LARP1B: variants seen among roughly 807,000 people sequenced by gnomAD.
LARP1B encodes the protein La ribonucleoprotein 1B, also known as la-related protein 1B.
LARP1B carries 76 observed loss-of-function variants against 114.2 expected under a neutral mutation model. The ratio of observed to expected loss-of-function variants is 0.67; its 90% CI spans 0.55 to 0.81. LARP1B has a LOEUF of 0.81. LARP1B is among the 30% of genes least tolerant of loss of function. The pLI is 0.00. For missense variants in LARP1B, 1,014 were observed against 1,075.8 expected (o/e 0.94, Z 0.80); for synonymous variants, 345 against 348.0 (o/e 0.99, Z 0.10).
At chr4:128,099,290 CTTT>C (rs368079786) in intron 8 of LARP1B, among the ~76,000 whole-genome samples, 2 of 137,220 alleles carry the variant, frequency 1.5e-5, no homozygotes, top group Admixed American at 7.4e-5. Flanking sequence ...TTTTTTCTTT[CTTT>C]TTTTTTTTTT....
At chr4:128,176,673 A>AT (rs1192361474) in intron 12 of LARP1B, among the ~76,000 whole-genome samples, 199 bp from the exon 13 acceptor site, 1 of 152,040 alleles carries the variant, frequency 6.6e-6, no homozygotes, top group Non-Finnish European at 1.5e-5. Context: ...ATGAGGATAC[A>AT]TTTTTTCCCA....
chr4:128,207,347 C>G lies in LARP1B; in HGVS notation c.2511C>G (p.Leu837=), dbSNP rs772299317. The change falls in exon 19 of 20, where the codon CTC becomes CTG. Residue 837 remains leucine, a synonymous_variant. Coordinates refer to ENST00000326639, the MANE Select transcript of LARP1B (RefSeq NM_018078.4). ...TTGACCCAAAACTTCAGGAATACCT[C>G]TGTAGTTTTAAGAGGTTAGAAGACT... ...QSIDPKLQEY[L]CSFKRLEDFR... 4 of 1,552,230 alleles carry G rather than the reference C, an allele frequency of 2.6e-6. No homozygotes were observed. The highest frequency in any genetic ancestry group is 2.5e-5 in the South Asian group (2 of 78,434).
chr4:128,171,134 G>A (rs1743508158), intron 12 of LARP1B, among the ~76,000 whole-genome samples: 3 of 148,864 alleles, frequency 2.0e-5, no homozygotes, highest in Non-Finnish European at 4.5e-5. Flanking sequence ...TCTCCCCACC[G>A]GCCCCACCCC....
chr4:128,139,056 T>G (rs1426758131), intron 11 of LARP1B, among the ~76,000 whole-genome samples: 1 of 152,174 alleles, frequency 6.6e-6, no homozygotes, highest in Non-Finnish European at 1.5e-5. Flanking sequence ...TTCAAGATCA[T>G]GGATTAATTG....
At chr4:128,090,495 A>G (rs1409401597) in intron 5 of LARP1B, among the ~76,000 whole-genome samples, 4 of 152,148 alleles carry the variant, frequency 2.6e-5, no homozygotes, top group Non-Finnish European at 5.9e-5. Flanking sequence ...TGTGTGTTGC[A>G]TGAGAGAGAG....
rs562133250 is a variant in LARP1B, at chr4:128,148,599, A to AT, written c.1525-13586dup. 1.3e-4 allele frequency among the ~76,000 whole-genome samples: 19 copies of AT among 151,526 alleles called. 1 individual carries two copies. The highest frequency in any genetic ancestry group is 6.8e-3 in the Middle Eastern group (2 of 294). ...TAGTCATCTTTCTCTTTAGAAGCTG[A>AT]TTTTTTTTTAAATTTTATTATTTTA... On this transcript the variant is annotated intron_variant, in intron 11 of 19. Coordinates refer to ENST00000326639, the MANE Select transcript of LARP1B (RefSeq NM_018078.4).
intron 15 of LARP1B, among the ~76,000 whole-genome samples, chr4:128,193,660 A>C (rs1753022581): frequency 1.3e-5 from 2 of 151,688 alleles, no homozygotes; most frequent in Admixed American, 6.6e-5. Flanking sequence ...CTCGTTGCCC[A>C]GGTTGGAGTG....
chr4:128,208,681 C>T (rs1758245333), intron 19 of LARP1B, among the ~76,000 whole-genome samples: 1 of 152,164 alleles, frequency 6.6e-6, no homozygotes, highest in African/African-American at 2.4e-5. Flanking sequence ...AATACTAGTT[C>T]ATTGGTGTCC....
At chr4:128,078,077 A>G in intron 4 of LARP1B, 115 bp downstream of exon 4, 2 of 689,896 alleles carry the variant, frequency 2.9e-6, no homozygotes, top group Non-Finnish European at 4.5e-6. Context: ...GTATTTCTTC[A>G]GGATAAACAA....
intron 11 of LARP1B, among the ~76,000 whole-genome samples, chr4:128,139,362 G>T (rs1429219473): frequency 6.6e-6 from 1 of 152,004 alleles, no homozygotes; most frequent in Non-Finnish European, 1.5e-5. Flanking sequence ...GCATAGTGCT[G>T]TGCACCTGTA....
chr4:128,183,966 G>A (rs992226231), intron 15 of LARP1B, among the ~76,000 whole-genome samples: 4 of 152,208 alleles, frequency 2.6e-5, no homozygotes, highest in African/African-American at 9.6e-5. Context: ...GGAGCCTGAA[G>A]ATGTGACTGA....
chr4:128,146,091 T>C (rs939373905), intron 11 of LARP1B, among the ~76,000 whole-genome samples: 1 of 152,230 alleles, frequency 6.6e-6, no homozygotes, highest in African/African-American at 2.4e-5. Flanking sequence ...TGTACATATG[T>C]ATACATGCAT....
intron 5 of LARP1B, among the ~76,000 whole-genome samples, chr4:128,086,088 G>A (rs1465673289): frequency 2.9e-5 from 4 of 139,748 alleles, no homozygotes; most frequent in Non-Finnish European, 6.0e-5. Flanking sequence ...ATCTCGGCTC[G>A]CTGCAAGTTC....
At chr4:128,095,286 C>T (rs995594640) in intron 7 of LARP1B, among the ~76,000 whole-genome samples, 2 of 151,528 alleles carry the variant, frequency 1.3e-5, no homozygotes, top group Non-Finnish European at 2.9e-5. Context: ...GTCAGGAGTT[C>T]GAGACCAGGC....
At chr4:128,065,421 G>A (rs894725580) in intron 1 of LARP1B, among the ~76,000 whole-genome samples, 1 of 144,556 alleles carries the variant, frequency 6.9e-6, no homozygotes, top group African/African-American at 2.6e-5. Context: ...TGTTTCCCAG[G>A]CTGGTCTTGA....
intron 14 of LARP1B, among the ~76,000 whole-genome samples, chr4:128,178,994 A>C (rs1301154450): frequency 1.3e-5 from 2 of 152,126 alleles, no homozygotes; most frequent in African/African-American, 4.8e-5. Context: ...TGGGAGGCTG[A>C]GGTGGCAGGA....
rs766407362 is a variant in LARP1B, at chr4:128,074,997, A to C, written c.42+4A>C. The C allele has an allele frequency of 6.3e-7, 1 of 1,588,264 alleles. No individual in the cohort carries two copies. Among genetic ancestry groups the C allele is most frequent in the Non-Finnish European group, 8.6e-7 (1 of 1,160,858 alleles). ...AAGTGAATTAGTGAACACTGGAGTG[A>C]GTATTGTTTTAAAGTTTTTTTTTTT... On this transcript the variant is annotated splice_donor_region_variant and intron_variant, in intron 3 of 19. Coordinates refer to ENST00000326639, the MANE Select transcript of LARP1B (RefSeq NM_018078.4).
intron 9 of LARP1B, chr4:128,108,835 A>G (rs1041926222): frequency 1.0e-6 from 1 of 983,160 alleles, no homozygotes; most frequent in Middle Eastern, 5.2e-4. Flanking sequence ...AAGATAGGTC[A>G]GTCAAGTTGG....
intron 17 of LARP1B, among the ~76,000 whole-genome samples, chr4:128,205,956 G>A (rs1757460266): frequency 6.6e-6 from 1 of 152,132 alleles, no homozygotes; most frequent in Non-Finnish European, 1.5e-5. Context: ...AACAAAAATA[G>A]CAAAGCCAGC....
Sources: gnomAD v4.1 joint callset for allele counts (sites outside exome capture counted in the v4.1 genomes callset) on GRCh38, gnomAD v4.1.1 for gene constraint, MANE v1.5 for transcripts, NCBI Gene and HGNC (gene_info 2026-07-23, HGNC 2026-07-21) for gene names.